KLHL29: variants seen among roughly 807,000 people sequenced by gnomAD.
The protein encoded by KLHL29 is kelch-like protein 29.
A neutral mutation model predicts 80.4 loss-of-function variants in KLHL29; 21 were observed. The observed-to-expected ratio is 0.26, with a 90% CI of 0.19 to 0.38. KLHL29 has a LOEUF of 0.38. Among genes scored for constraint, KLHL29 ranks in the 10% least tolerant of loss-of-function variants. KLHL29 has a pLI of 1.00. For missense variants in KLHL29, 867 were observed against 1,223.9 expected (o/e 0.71, Z 4.35); for synonymous variants, 511 against 526.8 (o/e 0.97, Z 0.41).
chr2:23,556,118 CCT>C (rs1412872595), intron 2 of KLHL29, among the ~76,000 whole-genome samples: 1 of 152,186 alleles, frequency 6.6e-6, no homozygotes, highest in Non-Finnish European at 1.5e-5. Flanking sequence ...TTCCACTTCC[CCT>C]CTCTGCTCCC....
chr2:23,505,857 C>T (rs72848089), intron 2 of KLHL29, among the ~76,000 whole-genome samples: 1 of 152,184 alleles, frequency 6.6e-6, no homozygotes, highest in Non-Finnish European at 1.5e-5. Flanking sequence ...CCTTCCCCTA[C>T]AGGGTGGGTT....
At chr2:23,605,139 G>A (rs1668674744) in intron 3 of KLHL29, among the ~76,000 whole-genome samples, 1 of 126,256 alleles carries the variant, frequency 7.9e-6, no homozygotes, top group Non-Finnish European at 1.6e-5. Flanking sequence ...TGGAGACAGG[G>A]TTCACCCTGT....
intron 5 of KLHL29, among the ~76,000 whole-genome samples, chr2:23,657,110 C>T (rs1418705066): frequency 1.3e-5 from 2 of 152,042 alleles, no homozygotes; most frequent in Non-Finnish European, 2.9e-5. Context: ...TCTGAGGACA[C>T]CCCTTACTCC....
chr2:23,671,364 G>T (rs1342225444), intron 5 of KLHL29, among the ~76,000 whole-genome samples: 1 of 151,878 alleles, frequency 6.6e-6, no homozygotes, highest in Non-Finnish European at 1.5e-5. Context: ...TCTCTGAGCC[G>T]GCCCGTCACC....
intron 7 of KLHL29, among the ~76,000 whole-genome samples, chr2:23,692,777 C>T (rs1671702920): frequency 6.6e-6 from 1 of 152,068 alleles, no homozygotes; most frequent in South Asian, 2.1e-4. Flanking sequence ...CAGATGGACC[C>T]CAGAGCCTAG....
At chr2:23,600,690 G>T (rs537755738) in intron 3 of KLHL29, among the ~76,000 whole-genome samples, 80 of 152,248 alleles carry the variant, frequency 5.3e-4, no homozygotes, top group African/African-American at 1.9e-3. Flanking sequence ...GATGTCTTCT[G>T]GAGGGGAGAC....
chr2:23,493,648 T>C (rs1665171217), intron 2 of KLHL29, among the ~76,000 whole-genome samples: 1 of 152,076 alleles, frequency 6.6e-6, no homozygotes, highest in Admixed American at 6.6e-5. Context: ...TGTGTGAGTG[T>C]GTGTGTGTGC....
chr2:23,494,935 C>T (rs72848065), intron 2 of KLHL29, among the ~76,000 whole-genome samples: 1,670 of 152,332 alleles, frequency 0.011, 38 homozygotes, highest in African/African-American at 0.038. Context: ...CTCCTTTCGT[C>T]GCCGTAAGCC....
intron 1 of KLHL29, among the ~76,000 whole-genome samples, chr2:23,451,257 C>A (rs1328852621): frequency 6.6e-6 from 1 of 152,178 alleles, no homozygotes; most frequent in Non-Finnish European, 1.5e-5. Context: ...TCCCATAGAA[C>A]TCCCTGGGTA....
chr2:23,588,444 C>T (rs1333343163), intron 3 of KLHL29, among the ~76,000 whole-genome samples: 1 of 152,208 alleles, frequency 6.6e-6, no homozygotes, highest in Non-Finnish European at 1.5e-5. Context: ...CCTGGAGACA[C>T]ATGCTTCAGC....
In KLHL29 at chr2:23,556,666, CAGAA is replaced by C. The variant is rs1364055417; in HGVS notation, c.-45-5482_-45-5479del. ...AGACTCCATCTCAAAAAAAAAAAAA[CAGAA>C]AGACTTCAGGGTTCTGCCCTCCTCC... On this transcript the variant is annotated intron_variant, in intron 2 of 13. Coordinates refer to ENST00000486442, the MANE Select transcript of KLHL29 (RefSeq NM_052920.2). Among the ~76,000 whole-genome samples, 5 of 149,710 alleles carry C rather than the reference CAGAA, an allele frequency of 3.3e-5. No individual in the cohort carries two copies. The South Asian group carries it at 1.1e-3, about 32-fold the overall frequency.
intron 3 of KLHL29, among the ~76,000 whole-genome samples, chr2:23,579,201 T>C (rs2103507958): frequency 6.6e-6 from 1 of 152,352 alleles, no homozygotes; most frequent in East Asian, 1.9e-4. Context: ...AAGTCTACAG[T>C]TCTGCCCATT....
chr2:23,650,278 C>T (rs925534576), intron 5 of KLHL29, among the ~76,000 whole-genome samples: 2 of 152,204 alleles, frequency 1.3e-5, no homozygotes, highest in African/African-American at 4.8e-5. Flanking sequence ...AATGCCAGAT[C>T]TTAGGAAAGA....
At chr2:23,567,315 A>G (rs540427072) in intron 3 of KLHL29, among the ~76,000 whole-genome samples, 1 of 152,242 alleles carries the variant, frequency 6.6e-6, no homozygotes, top group Admixed American at 6.5e-5. Flanking sequence ...TTTTTTTCCT[A>G]GTGGTCAGGA....
intron 2 of KLHL29, among the ~76,000 whole-genome samples, chr2:23,526,330 G>A (rs889102637): frequency 2.0e-5 from 3 of 152,206 alleles, no homozygotes; most frequent in Middle Eastern, 3.2e-3. Context: ...TGCGGGAGGG[G>A]TGGCATCGAA....
At chr2:23,632,749 C>A (rs1399750529) in intron 3 of KLHL29, among the ~76,000 whole-genome samples, 3 of 152,368 alleles carry the variant, frequency 2.0e-5, no homozygotes, top group Non-Finnish European at 4.4e-5. Flanking sequence ...ACCACCAGTG[C>A]TGGGCTGAGG....
chr2:23,674,517 ACTAT>A (rs1199041722), intron 5 of KLHL29, among the ~76,000 whole-genome samples: 1 of 152,160 alleles, frequency 6.6e-6, no homozygotes, highest in East Asian at 1.9e-4. Flanking sequence ...TCTGGCCCCA[ACTAT>A]CTATCCTGGC....
chr2:23,702,549 C>G (rs1672465928), intron 11 of KLHL29, among the ~76,000 whole-genome samples: 1 of 152,186 alleles, frequency 6.6e-6, no homozygotes, highest in African/African-American at 2.4e-5. Flanking sequence ...CCTGTGCCCA[C>G]TCAGTCCTGC....
intron 3 of KLHL29, among the ~76,000 whole-genome samples, chr2:23,634,365 C>G (rs986856724): frequency 1.4e-5 from 2 of 147,332 alleles, no homozygotes; most frequent in South Asian, 4.3e-4. Context: ...TGTATCTAGG[C>G]TGAAAATGCA....
Sources: allele counts gnomAD v4.1 joint callset (sites outside exome capture counted in the v4.1 genomes callset), GRCh38; gene constraint gnomAD v4.1.1; transcripts MANE v1.5; gene names NCBI Gene and HGNC (gene_info 2026-07-23, HGNC 2026-07-21).